Variants in CAMK2A observed in about 807,000 individuals in gnomAD.
The protein encoded by CAMK2A is calcium/calmodulin dependent protein kinase II alpha.
A neutral mutation model predicts 79.2 loss-of-function variants in CAMK2A; 7 were observed. The ratio of observed to expected loss-of-function variants is 0.09; its 90% CI spans 0.05 to 0.17. The LOEUF is 0.17. Ranked by LOEUF, CAMK2A falls within the 10% of genes least tolerant of loss-of-function variation. The probability of loss-of-function intolerance (pLI) is 1.00; values close to 1 mark genes in which losing one functional copy is unlikely to be tolerated. For missense variants in CAMK2A, 214 were observed against 646.4 expected, an observed-to-expected ratio of 0.33 and a Z score of 7.25; for synonymous variants, 242 against 251.7, an observed-to-expected ratio of 0.96 and a Z score of 0.36.
At chr5:150,259,187 T>A (rs1024353616) in intron 3 of CAMK2A, among the ~76,000 whole-genome samples, 70 of 149,700 alleles carry the variant, frequency 4.7e-4, no homozygotes, top group Non-Finnish European at 9.2e-4. Context: ...CTCAAAAAAA[T>A]AAAAACTAAA....
chr5:150,232,230 G>A (rs3822607), intron 15 of CAMK2A, among the ~76,000 whole-genome samples: 74,237 of 152,186 alleles, frequency 0.49, 20,902 homozygotes, highest in Middle Eastern at 0.72. Flanking sequence ...GTGCAACTGC[G>A]GGCCACAAGG....
rs767469732 is a variant in CAMK2A, at chr5:150,223,232, G to T, written c.1238-15C>A. On this transcript the variant is annotated splice_polypyrimidine_tract_variant and intron_variant, in intron 17 of 18. Coordinates refer to ENST00000671881, the MANE Select transcript of CAMK2A (RefSeq NM_015981.4). The surrounding 1 kb of genome is among the most constrained non-coding windows in gnomAD (Gnocchi z 4.1). ...CCGGGACCACACTGGAGGAGGGGAT[G>T]GGAGGGGCAGAGGAGATGCAACCGG... The T allele has an allele frequency of 6.2e-7, 1 of 1,605,790 alleles. No homozygotes were observed.
At chr5:150,247,912 G>A (rs1375131653) in intron 11 of CAMK2A, 98 bp from the exon 12 acceptor site, 2 of 982,248 alleles carry the variant, frequency 2.0e-6, no homozygotes, top group South Asian at 1.4e-5. Context: ...GGAGAGGCAG[G>A]TGCTGCATTC....
intron 2 of CAMK2A, among the ~76,000 whole-genome samples, chr5:150,267,805 T>C (rs73268725): frequency 0.027 from 4,105 of 150,966 alleles, 181 homozygotes; most frequent in African/African-American, 0.094. Flanking sequence ...CCAAAATCAC[T>C]CTGAAAACTC....
At chr5:150,231,258 G>T in intron 16 of CAMK2A, 47 bp downstream of exon 16, 1 of 1,183,102 alleles carries the variant, frequency 8.5e-7, no homozygotes, top group South Asian at 1.5e-5. Context: ...GGTACCCCCT[G>T]AACAACAATC....
intron 15 of CAMK2A, among the ~76,000 whole-genome samples, chr5:150,233,795 GT>G (rs1314694783): frequency 6.6e-6 from 1 of 151,992 alleles, no homozygotes; most frequent in Non-Finnish European, 1.5e-5. Context: ...GTTTGTTTGT[GT>G]TTTTGTTTGT....
intron 3 of CAMK2A, among the ~76,000 whole-genome samples, chr5:150,258,908 G>A (rs1024823316): frequency 1.2e-4 from 19 of 152,288 alleles, no homozygotes; most frequent in East Asian, 7.7e-4. Context: ...GGCTGGGAGC[G>A]GTGGCTCACG....
chr5:150,253,401 T>A, intron 7 of CAMK2A, 43 bp downstream of exon 7: 1 of 1,468,954 alleles, frequency 6.8e-7, no homozygotes. Context: ...TCAACACAAA[T>A]GGGTGCTGAC....
At chr5:150,275,166 TGG>T (rs1362674309) in intron 1 of CAMK2A, among the ~76,000 whole-genome samples, 1 of 152,174 alleles carries the variant, frequency 6.6e-6, no homozygotes, top group Non-Finnish European at 1.5e-5. Context: ...CCAGAATTCA[TGG>T]GCACACAGAG....
chr5:150,273,024 A>C (rs1562193930), intron 2 of CAMK2A, 41 bp downstream of exon 2: 1 of 1,465,478 alleles, frequency 6.8e-7, no homozygotes, highest in Non-Finnish European at 9.6e-7. Context: ...GGGAGAGAGG[A>C]GAGCCCTGGA....
At chr5:150,289,145 G>T (rs987319987) in intron 1 of CAMK2A, among the ~76,000 whole-genome samples, 1 of 152,196 alleles carries the variant, frequency 6.6e-6, no homozygotes, top group African/African-American at 2.4e-5. Context: ...GTCACTGGAG[G>T]TATCTAAGTG....
intron 1 of CAMK2A, among the ~76,000 whole-genome samples, chr5:150,281,280 G>C (rs1389462121): frequency 6.6e-6 from 1 of 152,234 alleles, no homozygotes; most frequent in Non-Finnish European, 1.5e-5. Flanking sequence ...AATGCAGATA[G>C]ATCTGTTACC....
At chr5:150,241,482 T>C (rs558425883) in intron 13 of CAMK2A, among the ~76,000 whole-genome samples, 1 of 126,096 alleles carries the variant, frequency 7.9e-6, no homozygotes, top group East Asian at 2.9e-4. Context: ...CTCTCCTCCT[T>C]CTTCTCTTCC....
At chr5:150,241,972 C>T (rs545075280) in intron 13 of CAMK2A, among the ~76,000 whole-genome samples, 11 of 152,262 alleles carry the variant, frequency 7.2e-5, no homozygotes, top group Admixed American at 1.3e-4. Context: ...AGGTTCCAGG[C>T]GGGACACGAG....
intron 1 of CAMK2A, among the ~76,000 whole-genome samples, chr5:150,283,852 A>C (rs1483438300): frequency 6.6e-6 from 1 of 152,200 alleles, no homozygotes; most frequent in African/African-American, 2.4e-5. Context: ...GAAAGGATGC[A>C]AGGATTCCAG....
Position 150,221,747 on chromosome 5 carries a change from G to GAA in CAMK2A, c.*962_*963insTT. 8 of 321,690 alleles carry GAA rather than the reference G, an allele frequency of 2.5e-5. No homozygotes were observed. Among genetic ancestry groups the GAA allele is most frequent in the East Asian group, 4.0e-5 (1 of 25,168 alleles). 19.9% of individuals were successfully genotyped at this position (321,690 alleles called of 1,614,324 possible). On this transcript the variant is annotated 3_prime_UTR_variant, in exon 19 of 19. Transcript: ENST00000671881. The stretch of plus-strand genomic sequence containing the variant: ...AGGTGACAAGGTCCACCTCAGAGAT[G>GAA]ACAAAAAAAAAAAAAAAAACTAGAA...
chr5:150,232,318 A>G (rs1350044623), intron 15 of CAMK2A, among the ~76,000 whole-genome samples: 1 of 152,242 alleles, frequency 6.6e-6, no homozygotes, highest in African/African-American at 2.4e-5. Context: ...TGATGTACAC[A>G]AAGCATTGGC....
chr5:150,278,890 C>T lies in CAMK2A; in HGVS notation c.63-5731G>A, dbSNP rs191451340. On this transcript the variant is annotated intron_variant, in intron 1 of 18. Transcript: ENST00000671881. ...ACCCTAGGTATGAGGCGTGCATCCA[C>T]GTGAGCCAGAGGGTCACAGAATGTA... is the stretch of plus-strand genomic sequence containing the variant. Among the ~76,000 whole-genome samples, 407 of 152,200 alleles carry T rather than the reference C, an allele frequency of 2.7e-3. 1 individual carries two copies. Among genetic ancestry groups the T allele is most frequent in the African/African-American group, 9.3e-3 (385 of 41,528 alleles).
At position 150,222,466 on chromosome 5, in the gene CAMK2A, G is replaced by A. The variant is rs1754361406; in HGVS notation, c.*244C>T. ...CAGTGCTGTGGACACCCATGCCTGA[G>A]GAAGCCCCAGCCTGGCAGGGGAGAG... On this transcript the variant is annotated 3_prime_UTR_variant, in exon 19 of 19. Coordinates refer to ENST00000671881, the MANE Select transcript of CAMK2A (RefSeq NM_015981.4). The A allele has an allele frequency of 3.1e-5, 22 of 702,204 alleles. No homozygotes were observed. Among genetic ancestry groups the A allele is most frequent in the South Asian group, 3.1e-4 (21 of 67,394 alleles). 43.5% of individuals were successfully genotyped at this position (702,204 alleles called of 1,614,324 possible).
Sources: gnomAD v4.1 joint callset for allele counts (sites outside exome capture counted in the v4.1 genomes callset) on GRCh38, gnomAD v4.1.1 for gene constraint, Gnocchi (gnomAD v3.1) non-coding constraint, MANE v1.5 for transcripts, NCBI Gene and HGNC (gene_info 2026-07-23, HGNC 2026-07-21) for gene names.